FAM76A: variants seen among roughly 807,000 people sequenced by gnomAD.
FAM76A encodes protein FAM76A.
A neutral mutation model predicts 46.2 loss-of-function variants in FAM76A; 32 were observed. The observed-to-expected ratio is 0.69, with a 90% confidence interval of 0.52 to 0.93. FAM76A has a LOEUF of 0.93. FAM76A is among the 40% of genes least tolerant of loss of function. FAM76A has a pLI of 0.00. For missense variants in FAM76A, 274 were observed against 361.5 expected (o/e 0.76, Z 1.96); for synonymous variants, 137 against 127.0 (o/e 1.08, Z -0.53).
chr1:27,754,850 AT>A (rs2088383961), intron 6 of FAM76A, among the ~76,000 whole-genome samples: 1 of 152,236 alleles, frequency 6.6e-6, no homozygotes. Context: ...AATCACAAAA[AT>A]TAGGATGGTT....
intron 4 of FAM76A, among the ~76,000 whole-genome samples, chr1:27,738,484 A>T (rs535073450): frequency 2.9e-3 from 444 of 151,804 alleles, no homozygotes; most frequent in African/African-American, 5.5e-3. Flanking sequence ...CTCAAAAAAA[A>T]AATAATAATA....
intron 4 of FAM76A, chr1:27,739,947 C>T (rs563446055): frequency 8.3e-6 from 2 of 239,882 alleles, no homozygotes; most frequent in South Asian, 1.2e-4. Context: ...CCTTGGGAGC[C>T]AGTGCTATGG....
chr1:27,760,690 T>A lies in FAM76A; in HGVS notation c.*109T>A. ...CAAGCTTTCTTAAGAAATCTCTATT[T>A]TATTACAGTTATCCTTCTTTGTGCG... On this transcript the variant is annotated 3_prime_UTR_variant, in exon 9 of 9. Coordinates refer to ENST00000373954, the MANE Select transcript of FAM76A (RefSeq NM_152660.3). The A allele has an allele frequency of 1.5e-6, 1 of 679,598 alleles. No individual in the cohort carries two copies. Among genetic ancestry groups the A allele is most frequent in the South Asian group, 1.8e-5 (1 of 54,526 alleles). The allele number at this position is 679,598 out of a possible 1,614,324, so 42.1% of individuals were successfully genotyped here.
rs1247783380 is a variant in FAM76A, at chr1:27,761,366, A to T, written c.*785A>T. On this transcript the variant is annotated 3_prime_UTR_variant, in exon 9 of 9. Coordinates refer to ENST00000373954, the MANE Select transcript of FAM76A (RefSeq NM_152660.3). ...CTGATTGCTAAGGTGAAACAATTCA[A>T]TGCATAAGTATGGAGCTAAGTGCCT... 6.6e-6 allele frequency: 1 copy of T among 152,578 alleles called. No individual in the cohort carries two copies. Among genetic ancestry groups the T allele is most frequent in the African/African-American group, 2.4e-5 (1 of 41,444 alleles). The allele number at this position is 152,578 out of a possible 1,614,324, so 9.5% of individuals were successfully genotyped here.
In FAM76A at chr1:27,762,767, T is replaced by C. The variant is rs879302278; in HGVS notation, c.*2186T>C. ...AGGGGGAAATGACAGTCATGGTGTT[T>C]TTTTTTAATTTTAAGGACTGAAATT... On this transcript the variant is annotated 3_prime_UTR_variant, in exon 9 of 9. Coordinates refer to ENST00000373954, the MANE Select transcript of FAM76A (RefSeq NM_152660.3). The C allele has an allele frequency of 7.2e-5, 11 of 152,204 alleles. No homozygotes were observed. The highest frequency in any genetic ancestry group is 5.9e-5 in the Non-Finnish European group (4 of 68,032). 9.4% of individuals were successfully genotyped at this position (152,204 alleles called of 1,614,324 possible). A position where few individuals can be genotyped will look rare whatever the true frequency, so the allele number is the denominator to read the frequency against.
chr1:27,731,978 C>A (rs930640937), intron 2 of FAM76A, among the ~76,000 whole-genome samples: 4 of 152,098 alleles, frequency 2.6e-5, no homozygotes, highest in Non-Finnish European at 4.4e-5. Flanking sequence ...CGCGCCACCA[C>A]GCCTGGCTAA....
chr1:27,739,464 C>T (rs956787580), intron 4 of FAM76A: 2 of 447,468 alleles, frequency 4.5e-6, no homozygotes, highest in South Asian at 3.5e-5. Context: ...AATTATGTCT[C>T]GATTTTCTGA....
chr1:27,758,938 T>C (rs569512790), intron 7 of FAM76A, among the ~76,000 whole-genome samples: 9 of 152,116 alleles, frequency 5.9e-5, no homozygotes, highest in Admixed American at 2.6e-4. Flanking sequence ...GCCATTCAAA[T>C]AATCTCTGTT....
intron 2 of FAM76A, among the ~76,000 whole-genome samples, chr1:27,728,119 A>C (rs974589708): frequency 3.3e-5 from 5 of 150,984 alleles, no homozygotes; most frequent in African/African-American, 1.2e-4. Flanking sequence ...TTAAATTTTT[A>C]AAGTTCTTTT....
At chr1:27,727,894 C>T (rs1323788178) in intron 2 of FAM76A, among the ~76,000 whole-genome samples, 1 of 149,754 alleles carries the variant, frequency 6.7e-6, no homozygotes, top group Non-Finnish European at 1.5e-5. Flanking sequence ...TGCAACCCTT[C>T]CCTCCCAGGT....
intron 4 of FAM76A, 108 bp downstream of exon 4, chr1:27,734,291 T>A: frequency 8.6e-7 from 1 of 1,160,412 alleles, no homozygotes; most frequent in Non-Finnish European, 1.2e-6. Flanking sequence ...CTCATGCCTG[T>A]AATCCCAGCA....
intron 2 of FAM76A, 35 bp from the exon 3 acceptor site, chr1:27,732,568 C>A: frequency 1.3e-6 from 2 of 1,587,294 alleles, no homozygotes; most frequent in South Asian, 1.1e-5. Flanking sequence ...TTCAGATATT[C>A]TAAGAAAAGC....
At position 27,762,503 on chromosome 1, in the gene FAM76A, A is replaced by G. The variant is rs1286057101; in HGVS notation, c.*1922A>G. The G allele has an allele frequency of 6.6e-6, 1 of 152,180 alleles. No individual in the cohort carries two copies. The highest frequency in any genetic ancestry group is 1.5e-5 in the Non-Finnish European group (1 of 68,030). The allele number at this position is 152,180 out of a possible 1,614,324, so 9.4% of individuals were successfully genotyped here. ...ATAATTTGTGATAGCATTCTCATAAATGGAGTCCTACACATAATTGGACAG... is the reference window on the plus strand; with the variant it reads ...ATAATTTGTGATAGCATTCTCATAAGTGGAGTCCTACACATAATTGGACAG... On this transcript the variant is annotated 3_prime_UTR_variant, in exon 9 of 9. Coordinates refer to ENST00000373954, the MANE Select transcript of FAM76A (RefSeq NM_152660.3).
At chr1:27,759,043 G>A (rs2088461239) in intron 7 of FAM76A, among the ~76,000 whole-genome samples, 1 of 152,050 alleles carries the variant, frequency 6.6e-6, no homozygotes, top group African/African-American at 2.4e-5. Flanking sequence ...TCAAAGCTCA[G>A]CTCACACATC....
At chr1:27,740,227 T>C in intron 4 of FAM76A, 2 of 664,714 alleles carry the variant, frequency 3.0e-6, no homozygotes, top group East Asian at 6.0e-5. Flanking sequence ...ACCTTTCATC[T>C]TGAGGCTACT....
intron 6 of FAM76A, among the ~76,000 whole-genome samples, chr1:27,751,147 C>CA (rs371863274): frequency 0.068 from 10,062 of 148,924 alleles, 1,062 homozygotes; most frequent in African/African-American, 0.23. Context: ...GACTCTGTCT[C>CA]AAAAAAAAAG....
chr1:27,751,468 C>A (rs1223132987), intron 6 of FAM76A, among the ~76,000 whole-genome samples: 2 of 150,560 alleles, frequency 1.3e-5, no homozygotes, highest in African/African-American at 4.9e-5. Context: ...TTAATGTCAT[C>A]CAAACCAAAA....
rs189316248 is a variant in FAM76A, at chr1:27,748,627, G to A, written c.513-441G>A. 1.9e-3 allele frequency among the ~76,000 whole-genome samples: 293 copies of A among 151,408 alleles called. 4 individuals carry two copies. Among genetic ancestry groups the A allele is most frequent in the Admixed American group, 0.018 (267 of 15,188 alleles). The stretch of plus-strand genomic sequence containing the variant: ...CTCCTGCGTAGCTGGGACTACAGGC[G>A]CCCGCCACCTCGCCTGGCTAATTTT... On this transcript the variant is annotated intron_variant, in intron 5 of 8. Transcript: ENST00000373954.
At chr1:27,743,900 C>T (rs2088197000) in intron 4 of FAM76A, among the ~76,000 whole-genome samples, 1 of 151,676 alleles carries the variant, frequency 6.6e-6, no homozygotes, top group Non-Finnish European at 1.5e-5. Flanking sequence ...ACAATCACAC[C>T]ACTGCATTCT....
Sources: gnomAD v4.1 joint callset for allele counts (sites outside exome capture counted in the v4.1 genomes callset) on GRCh38, gnomAD v4.1.1 for gene constraint, MANE v1.5 for transcripts, NCBI Gene and HGNC (gene_info 2026-07-23, HGNC 2026-07-21) for gene names.